Variants in RIC1 observed in about 807,000 individuals in gnomAD.
The protein encoded by RIC1 is RIC1 partner of RAB6A GEF complex, also known as guanine nucleotide exchange factor subunit RIC1.
Under a neutral mutation model 169.0 loss-of-function variants are expected in RIC1, and 88 were observed. That is an observed-to-expected ratio of 0.52 (90% CI 0.44 to 0.62). The LOEUF is 0.62. RIC1 is among the 20% of genes least tolerant of loss of function. The pLI is 0.00. For synonymous variants in RIC1, 790 were observed against 601.5 expected, an observed-to-expected ratio of 1.31 and a Z score of -4.59; for missense variants, 1,877 against 1,725.5, an observed-to-expected ratio of 1.09 and a Z score of -1.56.
chr9:5,659,177 T>A (rs1819294064), intron 2 of RIC1, among the ~76,000 whole-genome samples: 1 of 152,178 alleles, frequency 6.6e-6, no homozygotes, highest in Admixed American at 6.5e-5. Flanking sequence ...TTGAACGGTC[T>A]TGGTAGTCTT....
At chr9:5,777,363 A>G (rs1281637716), downstream of RIC1, among the ~76,000 whole-genome samples, 1 of 151,244 alleles carries the variant, frequency 6.6e-6, no homozygotes, top group Non-Finnish European at 1.5e-5. Context: ...CTAATTCCAC[A>G]CAAAATGGAA....
At chr9:5,648,037 C>T (rs1818617917) in intron 1 of RIC1, among the ~76,000 whole-genome samples, 1 of 151,478 alleles carries the variant, frequency 6.6e-6, no homozygotes, top group Non-Finnish European at 1.5e-5. Context: ...GGCCGGAGTG[C>T]AATGGTGTGA....
chr9:5,752,197 A>T (rs1224645892), intron 12 of RIC1, among the ~76,000 whole-genome samples: 1 of 152,218 alleles, frequency 6.6e-6, no homozygotes, highest in African/African-American at 2.4e-5. Flanking sequence ...GATGTAAGAC[A>T]GACAACGTGG....
At chr9:5,734,167 C>T (rs1056156991) in intron 7 of RIC1, among the ~76,000 whole-genome samples, 2 of 151,016 alleles carry the variant, frequency 1.3e-5, no homozygotes, top group Admixed American at 6.6e-5. Flanking sequence ...AGTGCAAGAG[C>T]GTGATCTTGG....
chr9:5,636,978 G>A (rs34385890), intron 1 of RIC1, among the ~76,000 whole-genome samples: 19,897 of 152,098 alleles, frequency 0.13, 2,152 homozygotes, highest in African/African-American at 0.29. Flanking sequence ...TTTGTCATAC[G>A]TGTGGCACAG....
intron 7 of RIC1, among the ~76,000 whole-genome samples, chr9:5,733,835 T>A (rs148507866): frequency 6.6e-6 from 1 of 151,684 alleles, no homozygotes; most frequent in Non-Finnish European, 1.5e-5. Flanking sequence ...TTTTCCTCTT[T>A]ACTCTTCTGA....
chr9:5,757,570 G>C, intron 17 of RIC1, 119 bp downstream of exon 17: 5 of 1,039,330 alleles, frequency 4.8e-6, no homozygotes, highest in Non-Finnish European at 7.0e-6. Context: ...TACCTTATAT[G>C]AGAATGCTGG....
chr9:5,684,581 A>G (rs990274198), intron 2 of RIC1, among the ~76,000 whole-genome samples: 2 of 151,926 alleles, frequency 1.3e-5, no homozygotes, highest in African/African-American at 2.4e-5. Context: ...TGATTTTTCT[A>G]TATTTGTCTT....
rs1191295709 is a variant in RIC1 at position 5,720,857 on chromosome 9, G to A, written c.720+107G>A. The A allele has an allele frequency of 4.8e-6, 5 of 1,048,244 alleles. No individual in the cohort carries two copies. The African/African-American group carries it at 8.3e-5, about 17-fold the overall frequency. The allele number at this position is 1,048,244 out of a possible 1,614,324, so 64.9% of individuals were successfully genotyped here. A position where few individuals can be genotyped will look rare whatever the true frequency, so the allele number is the denominator to read the frequency against. On this transcript the variant is annotated intron_variant, in intron 6 of 25. Coordinates refer to ENST00000414202, the MANE Select transcript of RIC1 (RefSeq NM_020829.4). ...TCATTCATGTAAGATTTTAAGGGTT[G>A]TTAATTTTTTAATCAAACCAAACAT...
chr9:5,707,854 CA>C (rs1360556785), intron 3 of RIC1, among the ~76,000 whole-genome samples: 1 of 152,058 alleles, frequency 6.6e-6, no homozygotes, highest in African/African-American at 2.4e-5. Context: ...TTAATGAATG[CA>C]TTTAATCCAT....
intron 2 of RIC1, among the ~76,000 whole-genome samples, chr9:5,657,062 A>G (rs764450986): frequency 1.3e-5 from 2 of 151,816 alleles, no homozygotes; most frequent in African/African-American, 2.4e-5. Flanking sequence ...CATAGCACCT[A>G]TATCCTTTTC....
chr9:5,715,558 A>C lies in RIC1; in HGVS notation c.440+1555A>C, dbSNP rs1374445610. Among the ~76,000 whole-genome samples, 6 of 152,346 alleles carry C rather than the reference A, an allele frequency of 3.9e-5. No homozygotes were observed. In the South Asian group the frequency reaches 1.0e-3, roughly 26 times the overall value. The stretch of plus-strand genomic sequence containing the variant: ...TAGATTTTAAATCGAGTGAGAAGAC[A>C]TGAAACTTAGATTTTTATAACCAAT... On this transcript the variant is annotated intron_variant, in intron 4 of 25. Coordinates refer to ENST00000414202, the MANE Select transcript of RIC1 (RefSeq NM_020829.4).
intron 2 of RIC1, among the ~76,000 whole-genome samples, chr9:5,665,375 G>A (rs900032798): frequency 6.6e-6 from 1 of 152,086 alleles, no homozygotes; most frequent in Non-Finnish European, 1.5e-5. Context: ...TTTGCATTGG[G>A]TTAAAACTTG....
chr9:5,764,526 G>T (rs1042271104), intron 19 of RIC1, among the ~76,000 whole-genome samples: 2 of 152,182 alleles, frequency 1.3e-5, no homozygotes, highest in Non-Finnish European at 2.9e-5. Flanking sequence ...ATTCTTTCCA[G>T]TTACTGCAAA....
chr9:5,629,475 C>G, intron 1 of RIC1, 22 bp downstream of exon 1: 1 of 1,523,992 alleles, frequency 6.6e-7, no homozygotes, highest in Non-Finnish European at 8.8e-7. Context: ...CGCCCGCCGC[C>G]TTTCGCCGCT....
At chr9:5,773,413 G>C (rs1373536024) in intron 25 of RIC1, among the ~76,000 whole-genome samples, 1 of 152,108 alleles carries the variant, frequency 6.6e-6, no homozygotes, top group South Asian at 2.1e-4. Flanking sequence ...GAAAGCAATG[G>C]TCTACAAATA....
chr9:5,755,022 T>A (rs12685557), intron 15 of RIC1, 92 bp downstream of exon 15: 232,047 of 723,400 alleles, frequency 0.32, 39,946 homozygotes, highest in East Asian at 0.61. Flanking sequence ...GATTGAAAAC[T>A]GAACAAAACA....
At chr9:5,760,583 T>TG (rs1463077595) in intron 17 of RIC1, among the ~76,000 whole-genome samples, 5 of 152,248 alleles carry the variant, frequency 3.3e-5, no homozygotes, top group Admixed American at 1.3e-4. Flanking sequence ...TTGCTGCAGG[T>TG]GTTTGTCTTT....
chr9:5,691,180 C>A (rs1239825594), intron 3 of RIC1, among the ~76,000 whole-genome samples: 1 of 151,730 alleles, frequency 6.6e-6, no homozygotes, highest in African/African-American at 2.4e-5. Context: ...AGAACTTGAC[C>A]ATATTATAAT....
Sources: allele counts gnomAD v4.1 joint callset (sites outside exome capture counted in the v4.1 genomes callset), GRCh38; gene constraint gnomAD v4.1.1; transcripts MANE v1.5; gene names NCBI Gene and HGNC (gene_info 2026-07-23, HGNC 2026-07-21).